Variants in AVL9 observed in about 807,000 individuals in gnomAD.
The protein encoded by AVL9 is AVL9 cell migration associated, also known as late secretory pathway protein AVL9 homolog.
A neutral mutation model predicts 79.2 loss-of-function variants in AVL9; 49 were observed. That is an observed-to-expected ratio of 0.62 (90% CI 0.49 to 0.79). The LOEUF (loss-of-function observed/expected upper bound fraction) is 0.79. Among genes scored for constraint, AVL9 ranks in the 30% least tolerant of loss-of-function variants. The probability of loss-of-function intolerance (pLI) is 0.00; values close to 1 mark genes in which losing one functional copy is unlikely to be tolerated. For synonymous variants in AVL9, 299 were observed against 280.6 expected, an observed-to-expected ratio of 1.07 and a Z score of -0.65; for missense variants, 682 against 776.8, an observed-to-expected ratio of 0.88 and a Z score of 1.45.
At chr7:32,497,162 C>T (rs1786864925) in intron 1 of AVL9, among the ~76,000 whole-genome samples, 1 of 152,016 alleles carries the variant, frequency 6.6e-6, no homozygotes, top group South Asian at 2.1e-4. Flanking sequence ...TCGAAACCAG[C>T]CTGGACAACA....
intron 12 of AVL9, among the ~76,000 whole-genome samples, chr7:32,575,209 T>C (rs1351860138): frequency 1.3e-5 from 2 of 152,062 alleles, no homozygotes; most frequent in Non-Finnish European, 2.9e-5. Flanking sequence ...AGTGATTCTC[T>C]TACCTCAGCC....
chr7:32,576,177 A>C lies in AVL9; in HGVS notation c.1688+105A>C, dbSNP rs575482011. 35 of 796,938 alleles carry C rather than the reference A, an allele frequency of 4.4e-5. No individual in the cohort carries two copies. The East Asian group carries it at 9.0e-4, about 20-fold the overall frequency. The allele number at this position is 796,938 out of a possible 1,614,324, so 49.4% of individuals were successfully genotyped here. A position where few individuals can be genotyped will look rare whatever the true frequency, so the allele number is the denominator to read the frequency against. On this transcript the variant is annotated intron_variant, in intron 13 of 15. Transcript: ENST00000318709. ...CTTTGATATTGTGAATATCCTCAAG[A>C]ATCCCCTTAAGTAGGTCATAAAAAG...
chr7:32,580,747 G>A, intron 14 of AVL9, 55 bp from the exon 15 acceptor site: 1 of 1,281,392 alleles, frequency 7.8e-7, no homozygotes, highest in Non-Finnish European at 1.1e-6. Context: ...GTGTGCGTGT[G>A]TGAGATTTTT....
intron 1 of AVL9, among the ~76,000 whole-genome samples, chr7:32,524,159 T>G (rs183118327): frequency 6.6e-6 from 1 of 151,990 alleles, no homozygotes; most frequent in East Asian, 2.0e-4. Context: ...AATTATGAAA[T>G]TTGAGATGTT....
chr7:32,539,322 C>G (rs1208724436), intron 1 of AVL9: 1 of 152,110 alleles, frequency 6.6e-6, no homozygotes, highest in Admixed American at 6.6e-5. Context: ...TGTTACTTTC[C>G]TATGTTACTA....
intron 13 of AVL9, among the ~76,000 whole-genome samples, chr7:32,579,569 T>TTA (rs1554348214): frequency 0.019 from 67 of 3,488 alleles, 21 homozygotes; most frequent in African/African-American, 0.067. Context: ...ATATTATATA[T>TTA]TATATTATAT....
intron 13 of AVL9, among the ~76,000 whole-genome samples, chr7:32,577,708 C>G (rs1791163213): frequency 6.6e-6 from 1 of 152,002 alleles, no homozygotes; most frequent in Admixed American, 6.6e-5. Context: ...TAGTGCAGGT[C>G]CAAAAGAGAC....
chr7:32,568,295 G>C (rs999442488), intron 10 of AVL9, among the ~76,000 whole-genome samples: 20 of 151,440 alleles, frequency 1.3e-4, no homozygotes, highest in African/African-American at 4.9e-4. Flanking sequence ...CCACCTCCTG[G>C]GTTCAAGCGA....
At chr7:32,528,650 A>G (rs558750769) in intron 1 of AVL9, among the ~76,000 whole-genome samples, 7 of 152,266 alleles carry the variant, frequency 4.6e-5, no homozygotes, top group African/African-American at 1.4e-4. Flanking sequence ...CAGAAAAGAA[A>G]CTGCTTCTGG....
chr7:32,557,853 C>CTTTT (rs3079799), intron 8 of AVL9, among the ~76,000 whole-genome samples: 9,455 of 70,296 alleles, frequency 0.13, 546 homozygotes, highest in African/African-American at 0.21. Context: ...AGCTGTTACT[C>CTTTT]TTTTTTTTTT....
chr7:32,558,045 G>A (rs1429045241), intron 8 of AVL9, among the ~76,000 whole-genome samples: 3 of 151,322 alleles, frequency 2.0e-5, no homozygotes, highest in South Asian at 2.1e-4. Flanking sequence ...TAGTAGAGAC[G>A]GGGTTTCAGC....
chr7:32,510,500 G>A (rs558842144), intron 1 of AVL9, among the ~76,000 whole-genome samples: 4 of 145,226 alleles, frequency 2.8e-5, no homozygotes, highest in South Asian at 2.2e-4. Flanking sequence ...ATCAGGTCTC[G>A]TTGGGAGAAT....
chr7:32,559,581 C>G, intron 10 of AVL9, 117 bp downstream of exon 10: 1 of 973,898 alleles, frequency 1.0e-6, no homozygotes, highest in Non-Finnish European at 1.4e-6. Flanking sequence ...TCCTTGAAAA[C>G]TGTAAAGTAC....
chr7:32,503,473 G>A (rs1166973082), intron 1 of AVL9, among the ~76,000 whole-genome samples: 7 of 145,286 alleles, frequency 4.8e-5, no homozygotes, highest in African/African-American at 1.5e-4. Context: ...CAGGAGAATC[G>A]CTTGAACCTG....
At chr7:32,569,914 G>T in intron 10 of AVL9, 106 bp from the exon 11 acceptor site, 1 of 1,085,512 alleles carries the variant, frequency 9.2e-7, no homozygotes, top group Non-Finnish European at 1.4e-6. Flanking sequence ...TACAGACAGG[G>T]CAAGGAAGAA....
chr7:32,579,934 T>A (rs1791427174), intron 13 of AVL9, among the ~76,000 whole-genome samples: 1 of 151,704 alleles, frequency 6.6e-6, no homozygotes, highest in Non-Finnish European at 1.5e-5. Flanking sequence ...CCAAATAAAT[T>A]AGAATGTCAG....
rs1791742748 is a variant in AVL9, at chr7:32,585,647, G to C, written c.*1740G>C. The C allele has an allele frequency of 6.6e-6, 1 of 152,120 alleles. No individual in the cohort carries two copies. Among genetic ancestry groups the C allele is most frequent in the Non-Finnish European group, 1.5e-5 (1 of 68,004 alleles). The allele number at this position is 152,120 out of a possible 1,614,324, so 9.4% of individuals were successfully genotyped here. ...TAAATGCTCCCAAGGCATTTGAAATGAACATAGAAACATAATCTAAATGTC... is the reference window on the plus strand; with the variant it reads ...TAAATGCTCCCAAGGCATTTGAAATCAACATAGAAACATAATCTAAATGTC... On this transcript the variant is annotated 3_prime_UTR_variant, in exon 16 of 16. Transcript: ENST00000318709.
Position 32,553,302 on chromosome 7 carries a change from A to G in AVL9, c.530-425A>G, listed in dbSNP as rs531902184. Among the ~76,000 whole-genome samples the G allele has an allele frequency of 2.0e-5, 3 of 152,358 alleles. No individual in the cohort carries two copies. In the South Asian group the frequency reaches 6.2e-4, roughly 32 times the overall value. Reference sequence around the variant, plus strand: ...ATTGATTGCCACTATAATATAAGCTATATCATTTCTAAACTTGTGTAGTTT... The same window carrying G: ...ATTGATTGCCACTATAATATAAGCTGTATCATTTCTAAACTTGTGTAGTTT... On this transcript the variant is annotated intron_variant, in intron 6 of 15. Coordinates refer to ENST00000318709, the MANE Select transcript of AVL9 (RefSeq NM_015060.3).
rs1229409082 is a variant in AVL9 at position 32,570,770 on chromosome 7, C to T, written c.1350+616C>T. On this transcript the variant is annotated intron_variant, in intron 11 of 15. Coordinates refer to ENST00000318709, the MANE Select transcript of AVL9 (RefSeq NM_015060.3). ...GAGTAGGTTGGATTACAAGTGCCCG[C>T]CACCACGCTCGGCTAATTTTTTCTA... 2.6e-5 allele frequency among the ~76,000 whole-genome samples: 4 copies of T among 151,256 alleles called. No individual in the cohort carries two copies. The East Asian group carries it at 7.9e-4, about 30-fold the overall frequency.
Sources: gnomAD v4.1 joint callset for allele counts (sites outside exome capture counted in the v4.1 genomes callset) on GRCh38, gnomAD v4.1.1 for gene constraint, MANE v1.5 for transcripts, NCBI Gene and HGNC (gene_info 2026-07-23, HGNC 2026-07-21) for gene names.